The following POU5F2 variants were observed in gnomAD, a reference collection of about 807,000 sequenced individuals.
POU5F2 encodes the protein POU domain class 5, transcription factor 2, also known as POU domain, class 5, transcription factor 2.
For missense variants in POU5F2, 401 were observed against 426.6 expected (o/e 0.94, Z 0.53); for synonymous variants, 191 against 178.7 (o/e 1.07, Z -0.55).
At position 93,736,824 on chromosome 5, in the gene POU5F2, T is replaced by C. The variant is rs1425585399; in HGVS notation, c.*3753A>G. ...ACTTCCTCAACATGTAGAGTACGTA[T>C]GAAAAAGCCAGAGCTAATGTCATAC... On this transcript the variant is annotated 3_prime_UTR_variant, in exon 1 of 1. Transcript: ENST00000606183. 6.6e-6 allele frequency: 1 copy of C among 152,164 alleles called. No homozygotes were observed. The highest frequency in any genetic ancestry group is 1.5e-5 in the Non-Finnish European group (1 of 68,028). 9.4% of individuals were successfully genotyped at this position (152,164 alleles called of 1,614,324 possible).
In POU5F2 at chr5:93,740,316, A is replaced by G. The variant is rs1051661008; in HGVS notation, c.*261T>C. The G allele has an allele frequency of 2.5e-6, 1 of 403,480 alleles. No homozygotes were observed. Among genetic ancestry groups the G allele is most frequent in the South Asian group, 7.3e-5 (1 of 13,770 alleles). The allele number at this position is 403,480 out of a possible 1,614,324, so 25.0% of individuals were successfully genotyped here. A position where few individuals can be genotyped will look rare whatever the true frequency, so the allele number is the denominator to read the frequency against. On this transcript the variant is annotated 3_prime_UTR_variant, in exon 1 of 1. Coordinates refer to ENST00000606183, the MANE Select transcript of POU5F2 (RefSeq NM_153216.2). ...AAAAAAGGAACAAAATATCGAAACC[A>G]TCTATATACTGTAATGTACCTTTAA...
rs1049162843 is a variant in POU5F2 at position 93,740,519 on chromosome 5, T to C, written c.*58A>G. The C allele has an allele frequency of 1.3e-6, 2 of 1,508,476 alleles. No homozygotes were observed. The allele number at this position is 1,508,476 out of a possible 1,614,324, so 93.4% of individuals were successfully genotyped here. ...TCAAATGAACCCTAGGGACATTTCC[T>C]GGGTTTTCCCTTCTTCTCCCCTCTC... On this transcript the variant is annotated 3_prime_UTR_variant, in exon 1 of 1. Coordinates refer to ENST00000606183, the MANE Select transcript of POU5F2 (RefSeq NM_153216.2).
chr5:93,739,793 C>A lies in POU5F2; in HGVS notation c.*784G>T, dbSNP rs1036841337. The A allele has an allele frequency of 3.3e-5, 5 of 151,960 alleles. No individual in the cohort carries two copies. Among genetic ancestry groups the A allele is most frequent in the African/African-American group, 1.2e-4 (5 of 41,354 alleles). 9.4% of individuals were successfully genotyped at this position (151,960 alleles called of 1,614,324 possible). A position where few individuals can be genotyped will look rare whatever the true frequency, so the allele number is the denominator to read the frequency against. On this transcript the variant is annotated 3_prime_UTR_variant, in exon 1 of 1. Coordinates refer to ENST00000606183, the MANE Select transcript of POU5F2 (RefSeq NM_153216.2). ...GAAAGTAAGGGAAATTCCCAGGGAACCAAATAGAGGTGAAAACAGGAGGAG... is the reference window on the plus strand; with the variant it reads ...GAAAGTAAGGGAAATTCCCAGGGAAACAAATAGAGGTGAAAACAGGAGGAG...
rs1748276217 is a variant in POU5F2 at position 93,740,891 on chromosome 5, G to A, written c.673C>T (p.Leu225=). 2.5e-6 allele frequency: 4 copies of A among 1,613,978 alleles called. No individual in the cohort carries two copies. In the African/African-American group the frequency reaches 5.3e-5, roughly 22 times the overall value. ...ASRERRIGNS[L]EKFFQRCPKP... ...GGGCACCGCTGGAAGAATTTCTCCA[G>A]GCTGTTTCCGATTCGTCGCTCTCTG... The change falls in exon 1 of 1, where the codon CTG becomes TTG. Residue 225 remains leucine (L), a synonymous_variant. Coordinates refer to ENST00000606183, the MANE Select transcript of POU5F2 (RefSeq NM_153216.2).
At chr5:93,741,053 G>A in the POU5F2 span, 1 of 1,613,856 alleles carries the variant, frequency 6.2e-7, no homozygotes, top group Non-Finnish European at 8.5e-7. Flanking sequence ...ACGCTTAGCT[G>A]CTGGGCCTCG....
Position 93,740,428 on chromosome 5 carries a change from C to T in POU5F2, c.*149G>A. On this transcript the variant is annotated 3_prime_UTR_variant, in exon 1 of 1. Coordinates refer to ENST00000606183, the MANE Select transcript of POU5F2 (RefSeq NM_153216.2). ...CAGGTTTTTCTTGAACAATTCCCAC[C>T]CCCATTCCCTACTATGTATCCTTAA... is the stretch of plus-strand genomic sequence containing the variant. 3.7e-6 allele frequency: 3 copies of T among 804,552 alleles called. No homozygotes were observed. Among genetic ancestry groups the T allele is most frequent in the Non-Finnish European group, 5.7e-6 (3 of 523,584 alleles). 49.8% of individuals were successfully genotyped at this position (804,552 alleles called of 1,614,324 possible). A position where few individuals can be genotyped will look rare whatever the true frequency, so the allele number is the denominator to read the frequency against.
Position 93,738,534 on chromosome 5 carries a change from G to A in POU5F2, c.*2043C>T, listed in dbSNP as rs1747713106. 6.6e-6 allele frequency: 1 copy of A among 152,080 alleles called. No homozygotes were observed. Among genetic ancestry groups the A allele is most frequent in the African/African-American group, 2.4e-5 (1 of 41,418 alleles). The allele number at this position is 152,080 out of a possible 1,614,324, so 9.4% of individuals were successfully genotyped here. ...GCAGTATCATTCACAATAGCCCATT[G>A]GCTATTAATGAAAACAATCTAAGTG... On this transcript the variant is annotated 3_prime_UTR_variant, in exon 1 of 1. Transcript: ENST00000606183.
In POU5F2 at chr5:93,740,453, A is replaced by C. The variant is rs1748147185; in HGVS notation, c.*124T>G. On this transcript the variant is annotated 3_prime_UTR_variant, in exon 1 of 1. Transcript: ENST00000606183. ...CCCCATTCCCTACTATGTATCCTTAACTTCTTTAGACAGTGAATGAGAAAT... is the reference window on the plus strand; with the variant it reads ...CCCCATTCCCTACTATGTATCCTTACCTTCTTTAGACAGTGAATGAGAAAT... 1.8e-6 allele frequency: 2 copies of C among 1,088,916 alleles called. No homozygotes were observed. The highest frequency in any genetic ancestry group is 3.4e-5 in the South Asian group (2 of 58,368). 67.5% of individuals were successfully genotyped at this position (1,088,916 alleles called of 1,614,324 possible). A position where few individuals can be genotyped will look rare whatever the true frequency, so the allele number is the denominator to read the frequency against.
chr5:93,739,755 T>A lies in POU5F2; in HGVS notation c.*822A>T, dbSNP rs1415817939. ...TACAAATATCCTCTCAAAACCATTATAAGAGATCAAGAGAAAGTAAGGGAA... is the reference window on the plus strand; with the variant it reads ...TACAAATATCCTCTCAAAACCATTAAAAGAGATCAAGAGAAAGTAAGGGAA... On this transcript the variant is annotated 3_prime_UTR_variant, in exon 1 of 1. Transcript: ENST00000606183. 6.6e-6 allele frequency: 1 copy of A among 152,024 alleles called. No individual in the cohort carries two copies. The highest frequency in any genetic ancestry group is 1.5e-5 in the Non-Finnish European group (1 of 68,002). The allele number at this position is 152,024 out of a possible 1,614,324, so 9.4% of individuals were successfully genotyped here. A position where few individuals can be genotyped will look rare whatever the true frequency, so the allele number is the denominator to read the frequency against.
At position 93,740,490 on chromosome 5, in the gene POU5F2, G is replaced by A. The variant is rs919229564; in HGVS notation, c.*87C>T. 14 of 1,352,414 alleles carry A rather than the reference G, an allele frequency of 1.0e-5. No individual in the cohort carries two copies. The African/African-American group carries it at 1.6e-4, about 16-fold the overall frequency. 83.8% of individuals were successfully genotyped at this position (1,352,414 alleles called of 1,614,324 possible). ...AGTGAATGAGAAATTAATACTAAAA[G>A]CCCTCAAATGAACCCTAGGGACATT... is the stretch of plus-strand genomic sequence containing the variant. On this transcript the variant is annotated 3_prime_UTR_variant, in exon 1 of 1. Coordinates refer to ENST00000606183, the MANE Select transcript of POU5F2 (RefSeq NM_153216.2).
chr5:93,740,336 C>T lies in POU5F2; in HGVS notation c.*241G>A, dbSNP rs1028051905. 7.7e-5 allele frequency: 39 copies of T among 503,306 alleles called. No homozygotes were observed. Among genetic ancestry groups the T allele is most frequent in the African/African-American group, 6.3e-4 (33 of 52,640 alleles). The allele number at this position is 503,306 out of a possible 1,614,324, so 31.2% of individuals were successfully genotyped here. A position where few individuals can be genotyped will look rare whatever the true frequency, so the allele number is the denominator to read the frequency against. On this transcript the variant is annotated 3_prime_UTR_variant, in exon 1 of 1. Transcript: ENST00000606183. The stretch of plus-strand genomic sequence containing the variant: ...AAACCATCTATATACTGTAATGTAC[C>T]TTTAAACCAATGCTAGGGAAAAACA...
Position 93,739,183 on chromosome 5 carries a change from T to C in POU5F2, c.*1394A>G, listed in dbSNP as rs1362492371. 2 of 152,060 alleles carry C rather than the reference T, an allele frequency of 1.3e-5. No individual in the cohort carries two copies. Among genetic ancestry groups the C allele is most frequent in the Admixed American group, 6.6e-5 (1 of 15,260 alleles). 9.4% of individuals were successfully genotyped at this position (152,060 alleles called of 1,614,324 possible). A position where few individuals can be genotyped will look rare whatever the true frequency, so the allele number is the denominator to read the frequency against. ...GCCCGGCCCAGAGTTAAGTCTCTTA[T>C]TGGGCTCCTGGTTTGCACTCTTGGG... On this transcript the variant is annotated 3_prime_UTR_variant, in exon 1 of 1. Transcript: ENST00000606183.
At position 93,737,500 on chromosome 5, in the gene POU5F2, G is replaced by A. The variant is rs1309910219; in HGVS notation, c.*3077C>T. 6.6e-6 allele frequency: 1 copy of A among 151,908 alleles called. No homozygotes were observed. 9.4% of individuals were successfully genotyped at this position (151,908 alleles called of 1,614,324 possible). ...GTGTGTGTATATATACATATGGCATGTATATATATGCCATATATATATACG... is the reference window on the plus strand; with the variant it reads ...GTGTGTGTATATATACATATGGCATATATATATATGCCATATATATATACG... On this transcript the variant is annotated 3_prime_UTR_variant, in exon 1 of 1. Transcript: ENST00000606183.
Position 93,740,765 on chromosome 5 carries a change from G to T in POU5F2, c.799C>A (p.Arg267=). ...CGTGGGGAAGCATCATTGGTTGGTCGACTGCCCATCTTGCTGCGGTTATAG... is the reference window on the plus strand; with the variant it reads ...CGTGGGGAAGCATCATTGGTTGGTCTACTGCCCATCTTGCTGCGGTTATAG... ...WFYNRSKMGS[R]PTNDASPREI... The change falls in exon 1 of 1, where the codon CGA becomes AGA. Residue 267 remains arginine, a synonymous_variant. Coordinates refer to ENST00000606183, the MANE Select transcript of POU5F2 (RefSeq NM_153216.2). 1.2e-6 allele frequency: 2 copies of T among 1,611,932 alleles called. No individual in the cohort carries two copies. Among genetic ancestry groups the T allele is most frequent in the Non-Finnish European group, 1.7e-6 (2 of 1,178,848 alleles).
chr5:93,734,705 G>A lies in POU5F2; in HGVS notation c.*5872C>T, dbSNP rs1181723985. ...AAATCTGGGCAAATATGAAGACTTTGGAGTGTTTGACATCTGCCTTTACTA... is the reference window on the plus strand; with the variant it reads ...AAATCTGGGCAAATATGAAGACTTTAGAGTGTTTGACATCTGCCTTTACTA... On this transcript the variant is annotated 3_prime_UTR_variant, in exon 1 of 1. Coordinates refer to ENST00000606183, the MANE Select transcript of POU5F2 (RefSeq NM_153216.2). 1 of 152,114 alleles carries A rather than the reference G, an allele frequency of 6.6e-6. No homozygotes were observed. Among genetic ancestry groups the A allele is most frequent in the Non-Finnish European group, 1.5e-5 (1 of 68,034 alleles). 9.4% of individuals were successfully genotyped at this position (152,114 alleles called of 1,614,324 possible). A position where few individuals can be genotyped will look rare whatever the true frequency, so the allele number is the denominator to read the frequency against.
rs1171592580 is a variant in POU5F2 at position 93,740,725 on chromosome 5, G to A, written c.839C>T (p.Thr280Ile). The change falls in exon 1 of 1, where the codon ACA becomes ATA. Residue 280 changes from threonine to isoleucine, a missense_variant. Thr to Ile is a moderately conservative substitution (Grantham distance 89, BLOSUM62 -1). Transcript: ENST00000606183. ...NDASPREIVG[T>I]AGPPCPGAPV... is the part of the protein sequence containing the mutation. The stretch of plus-strand genomic sequence containing the variant: ...TGCTCCTGGGCAAGGAGGCCCGGCT[G>A]TCCCCACAATCTCCCGTGGGGAAGC... 6.2e-7 allele frequency: 1 copy of A among 1,613,152 alleles called. No homozygotes were observed. Among genetic ancestry groups the A allele is most frequent in the Non-Finnish European group, 8.5e-7 (1 of 1,179,488 alleles).
Position 93,735,461 on chromosome 5 carries a change from A to G in POU5F2, c.*5116T>C, listed in dbSNP as rs1442433759. The G allele has an allele frequency of 1.3e-5, 2 of 152,236 alleles. No homozygotes were observed. The highest frequency in any genetic ancestry group is 4.8e-5 in the African/African-American group (2 of 41,452). The allele number at this position is 152,236 out of a possible 1,614,324, so 9.4% of individuals were successfully genotyped here. ...TGAGAGCTCATCACAATTTCTCCAC[A>G]TCTGTAGAGGCTGCAGAAGAACTGA... On this transcript the variant is annotated 3_prime_UTR_variant, in exon 1 of 1. Transcript: ENST00000606183.
In POU5F2 at chr5:93,741,461, A is replaced by C. The variant is rs1185558398; in HGVS notation, c.103T>G (p.Leu35Val). ...CTGCCAGGGGCCGCCTGGGTGCTCAACCAGGTCAGAGTGTCAACCCGCAGG... is the reference window on the plus strand; with the variant it reads ...CTGCCAGGGGCCGCCTGGGTGCTCACCCAGGTCAGAGTGTCAACCCGCAGG... ...MPLRVDTLTW[L>V]STQAAPGRVM... Residue 35 changes from leucine (L) to valine (V), a missense_variant, in exon 1 of 1, where the codon TTG (leucine) becomes GTG (valine). By Grantham distance (32) the Leu-to-Val change is conservative. Transcript: ENST00000606183. 1 of 1,613,494 alleles carries C rather than the reference A, an allele frequency of 6.2e-7. No individual in the cohort carries two copies. The highest frequency in any genetic ancestry group is 8.5e-7 in the Non-Finnish European group (1 of 1,179,758).
chr5:93,735,115 C>T lies in POU5F2; in HGVS notation c.*5462G>A, dbSNP rs1746938173. ...TCTCTGTAACATTTAACATTGTTAACTACTTAACAATATAGTCTTGGTTTT... is the reference window on the plus strand; with the variant it reads ...TCTCTGTAACATTTAACATTGTTAATTACTTAACAATATAGTCTTGGTTTT... On this transcript the variant is annotated 3_prime_UTR_variant, in exon 1 of 1. Coordinates refer to ENST00000606183, the MANE Select transcript of POU5F2 (RefSeq NM_153216.2). 6.6e-6 allele frequency: 1 copy of T among 152,284 alleles called. No individual in the cohort carries two copies. The highest frequency in any genetic ancestry group is 2.1e-4 in the South Asian group (1 of 4,822). The allele number at this position is 152,284 out of a possible 1,614,324, so 9.4% of individuals were successfully genotyped here.
Sources: allele counts gnomAD v4.1 joint callset, GRCh38; gene constraint gnomAD v4.1.1; transcripts MANE v1.5; gene names NCBI Gene and HGNC (gene_info 2026-07-23, HGNC 2026-07-21).